The following HDAC10 variants were observed in gnomAD, a reference collection of about 807,000 sequenced individuals.
HDAC10 encodes polyamine deacetylase HDAC10.
In HDAC10, 90 loss-of-function variants were observed where a neutral mutation model predicts 82.3. The ratio of observed to expected loss-of-function variants is 1.09; its 90% CI spans 0.92 to 1.30. The LOEUF (loss-of-function observed/expected upper bound fraction) is 1.30, where lower values mean the gene tolerates loss of function less well. Among genes scored for constraint, HDAC10 ranks in the 50% most tolerant of loss-of-function variants. The pLI is 0.00. For synonymous variants in HDAC10, 456 were observed against 391.7 expected (o/e 1.16, Z -1.94); for missense variants, 934 against 876.3 (o/e 1.07, Z -0.83).
chr22:50,250,956 C>G lies in HDAC10; in HGVS notation c.59+18G>C, dbSNP rs2065076708. On this transcript the variant is annotated intron_variant, in intron 1 of 19. Transcript: ENST00000216271. The stretch of plus-strand genomic sequence containing the variant: ...AGAGGTCCCTCCCCGCACCCCACCT[C>G]GGCCAGGTCCCACTTACTCGTCCCA... 3 of 1,611,572 alleles carry G rather than the reference C, an allele frequency of 1.9e-6. No individual in the cohort carries two copies. The East Asian group carries it at 6.7e-5, about 36-fold the overall frequency.
rs2065006916 is a variant in HDAC10 at position 50,248,396 on chromosome 22, G to C, written c.983C>G (p.Pro328Arg). 1.9e-6 allele frequency: 3 copies of C among 1,609,648 alleles called. No individual in the cohort carries two copies. Among genetic ancestry groups the C allele is most frequent in the Non-Finnish European group, 2.5e-6 (3 of 1,179,924 alleles). The change falls in exon 11 of 20, where the codon CCC becomes CGC. Residue 328 changes from proline (P) to arginine (R), a missense_variant. Physicochemically the swap from Pro to Arg is moderately radical, Grantham distance 103. Transcript: ENST00000216271. This position sits in a 1 kb window ranked among gnomAD's most constrained non-coding sequence, Gnocchi z 5.4. ...VQTLLGDPAP[P>R]LSGPMAPCQS... ...ACATGGCGCCATTGGCCCTGACAGG[G>C]GTGGGGCCGGGTCACCCAGCAGCGT...
rs2064915417 is a variant in HDAC10, at chr22:50,245,425, G to A, written c.*82C>T. On this transcript the variant is annotated 3_prime_UTR_variant, in exon 20 of 20. Coordinates refer to ENST00000216271, the MANE Select transcript of HDAC10 (RefSeq NM_032019.6). ...GTGCCCCAGAGTCGAGGGAGCCGTG[G>A]GCTTGGGGTCCGGATCGCGGCCGCG... 4.2e-6 allele frequency: 3 copies of A among 719,770 alleles called. No individual in the cohort carries two copies. The highest frequency in any genetic ancestry group is 5.3e-5 in the East Asian group (2 of 37,936). The allele number at this position is 719,770 out of a possible 1,614,324, so 44.6% of individuals were successfully genotyped here. A position where few individuals can be genotyped will look rare whatever the true frequency, so the allele number is the denominator to read the frequency against.
chr22:50,246,014 C>G lies in HDAC10; in HGVS notation c.1729G>C (p.Val577Leu). Residue 577 changes from valine (V) to leucine (L), a missense_variant, in exon 18 of 20, where the codon GTG becomes CTG. Coordinates refer to ENST00000216271, the MANE Select transcript of HDAC10 (RefSeq NM_032019.6). ...AYGFQPDLVL[V>L]ALGPGHGLQG... ...AGGCCATGGCCAGGCCCCAGCGCCA[C>G]CAGCACCAGGTCAGGCTGGAAGCCA... The G allele has an allele frequency of 1.2e-6, 2 of 1,612,670 alleles. No individual in the cohort carries two copies. The highest frequency in any genetic ancestry group is 1.7e-6 in the Non-Finnish European group (2 of 1,179,842).
Position 50,249,373 on chromosome 22 carries a change from C to T in HDAC10, c.645G>A (p.Gly215=), listed in dbSNP as rs768166627. 7.4e-6 allele frequency: 12 copies of T among 1,612,550 alleles called. No individual in the cohort carries two copies. The South Asian group carries it at 1.3e-4, about 18-fold the overall frequency. ...CAGTGAAGCCGAGGCCCTGTCCCCG[C>T]CCCACTGCGTCTGCATCTGACTCTC... The part of the protein sequence containing the change: ...FLRESDADAV[G]RGQGLGFTVN... The change falls in exon 7 of 20, where the codon GGG becomes GGA. Residue 215 remains glycine (G), a synonymous_variant. Coordinates refer to ENST00000216271, the MANE Select transcript of HDAC10 (RefSeq NM_032019.6). The surrounding 1 kb of genome is among the most constrained non-coding windows in gnomAD (Gnocchi z 4.4).
chr22:50,249,763 C>A lies in HDAC10; in HGVS notation c.495-60G>T. On this transcript the variant is annotated intron_variant, in intron 5 of 19. Coordinates refer to ENST00000216271, the MANE Select transcript of HDAC10 (RefSeq NM_032019.6). The surrounding 1 kb of genome is among the most constrained non-coding windows in gnomAD (Gnocchi z 4.4). ...GGCCTCCCACCTCCAGGAGCCCGGC[C>A]AGGGATGGGAAGGTGCTGGCTGGGT... 1 of 1,608,568 alleles carries A rather than the reference C, an allele frequency of 6.2e-7. No individual in the cohort carries two copies. The highest frequency in any genetic ancestry group is 8.5e-7 in the Non-Finnish European group (1 of 1,177,250).
In HDAC10 at chr22:50,248,616, C is replaced by T. The variant is rs2065012279; in HGVS notation, c.906+46G>A. The T allele has an allele frequency of 1.4e-6, 2 of 1,476,064 alleles. No homozygotes were observed. The highest frequency in any genetic ancestry group is 1.8e-6 in the Non-Finnish European group (2 of 1,109,578). The allele number at this position is 1,476,064 out of a possible 1,614,324, so 91.4% of individuals were successfully genotyped here. On this transcript the variant is annotated intron_variant, in intron 10 of 19. Transcript: ENST00000216271. The surrounding 1 kb of genome is among the most constrained non-coding windows in gnomAD (Gnocchi z 5.4). The stretch of plus-strand genomic sequence containing the variant: ...ACCTGGCTCCCATGCTCCTGACCCC[C>T]AGGCCTCTGGCCCAGAGACCCTCCC...
Position 50,248,361 on chromosome 22 carries a change from C to A in HDAC10, c.1013+5G>T. 6.2e-7 allele frequency: 1 copy of A among 1,611,012 alleles called. No individual in the cohort carries two copies. The highest frequency in any genetic ancestry group is 8.5e-7 in the Non-Finnish European group (1 of 1,179,820). ...CGGCCCTGCCCGCCCTACCTCCCCT[C>A]GCACCTCTGACATGGCGCCATTGGC... is the stretch of plus-strand genomic sequence containing the variant. On this transcript the variant is annotated splice_donor_5th_base_variant and intron_variant, in intron 11 of 19. Coordinates refer to ENST00000216271, the MANE Select transcript of HDAC10 (RefSeq NM_032019.6). The surrounding 1 kb of genome is among the most constrained non-coding windows in gnomAD (Gnocchi z 5.4).
chr22:50,250,678 G>C, intron 2 of HDAC10, 93 bp downstream of exon 2: 15 of 1,398,150 alleles, frequency 1.1e-5, no homozygotes, highest in Non-Finnish European at 1.5e-5. Context: ...CTCTGTATTC[G>C]AGGCTGGCAG....
At chr22:50,250,357 C>T (rs958911964) in intron 3 of HDAC10, 70 bp downstream of exon 3, 3 of 1,466,092 alleles carry the variant, frequency 2.0e-6, no homozygotes, top group African/African-American at 1.4e-5. Context: ...GGGTTGGCGG[C>T]CGTGGCTGTG....
chr22:50,245,744 G>A lies in HDAC10; in HGVS notation c.1917C>T (p.Ala639=), dbSNP rs747357458. ...TCAGGGCCTGGACGTCCTCTGGGGA[G>A]GCCACAGAGGAAGGGCCTAGGCTAG... ...APPSLGPSSV[A]SPEDVQALMY... The change falls in exon 19 of 20, where the codon GCC becomes GCT. Residue 639 remains alanine (A), a synonymous_variant. Transcript: ENST00000216271. 1 of 1,612,248 alleles carries A rather than the reference G, an allele frequency of 6.2e-7. No homozygotes were observed. The highest frequency in any genetic ancestry group is 1.7e-5 in the Admixed American group (1 of 59,904).
At chr22:50,250,934 G>A (rs951139759) in intron 1 of HDAC10, 29 bp from the exon 2 acceptor site, 5 of 1,609,114 alleles carry the variant, frequency 3.1e-6, no homozygotes, top group East Asian at 2.2e-5. Context: ...TCAGTTCAGA[G>A]GTCCCTCCCC....
chr22:50,250,661 G>T, intron 2 of HDAC10, 110 bp downstream of exon 2: 1 of 1,347,956 alleles, frequency 7.4e-7, no homozygotes, highest in Non-Finnish European at 1.0e-6. Flanking sequence ...AGGTGCATAG[G>T]GAGAGGCTCT....
rs1347097280 is a variant in HDAC10, at chr22:50,249,386, G to A, written c.632C>T (p.Ala211Val). ...RFWPFLRESD[A>V]DAVGRGQGLG... ...GCCCTGTCCCCGCCCCACTGCGTCT[G>A]CATCTGACTCTCGCAGGAAAGGCCA... The change falls in exon 7 of 20, where the codon GCA becomes GTA. Residue 211 changes from alanine (A) to valine (V), a missense_variant. Transcript: ENST00000216271. This position sits in a 1 kb window ranked among gnomAD's most constrained non-coding sequence, Gnocchi z 4.4. 1 of 1,612,668 alleles carries A rather than the reference G, an allele frequency of 6.2e-7. No individual in the cohort carries two copies. The highest frequency in any genetic ancestry group is 1.1e-5 in the South Asian group (1 of 91,078).
At chr22:50,247,425 A>C (rs1466579388) in intron 14 of HDAC10, 2 of 409,346 alleles carry the variant, frequency 4.9e-6, no homozygotes, top group Non-Finnish European at 8.7e-6. Flanking sequence ...GAGCCACTGC[A>C]CCCTGCCTAA....
At position 50,246,284 on chromosome 22, in the gene HDAC10, G is replaced by A; in HGVS notation, c.1650+14C>T. 6.2e-7 allele frequency: 1 copy of A among 1,609,704 alleles called. No homozygotes were observed. The stretch of plus-strand genomic sequence containing the variant: ...TCCCCAGCACCTGCCTTGCCGCGTG[G>A]CATGGTCACTCACCACTGGCAGTGG... On this transcript the variant is annotated intron_variant, in intron 17 of 19. Transcript: ENST00000216271.
At chr22:50,247,589 C>G in intron 14 of HDAC10, 103 bp downstream of exon 14, 1 of 814,096 alleles carries the variant, frequency 1.2e-6, no homozygotes, top group Non-Finnish European at 2.0e-6. Context: ...CCATGTGGTT[C>G]TGCACCACCC....
rs1274311216 is a variant in HDAC10 at position 50,246,353 on chromosome 22, C to T, written c.1595G>A (p.Arg532Lys). 1 of 1,612,872 alleles carries T rather than the reference C, an allele frequency of 6.2e-7. No homozygotes were observed. Among genetic ancestry groups the T allele is most frequent in the Admixed American group, 1.7e-5 (1 of 60,028 alleles). The change falls in exon 17 of 20, where the codon AGG (arginine) becomes AAG (lysine). Residue 532 changes from arginine (R) to lysine (K), a missense_variant. Transcript: ENST00000216271. The stretch of plus-strand genomic sequence containing the variant: ...GGATAGGGCAGCCGCCTCCTTGCCC[C>T]TGATGTTCAGCCACAGACTCCTCCT... ...HDGRSLWLNI[R>K]GKEAAALSMF...
rs766029508 is a variant in HDAC10, at chr22:50,248,929, G to A, written c.757-39C>T. The A allele has an allele frequency of 5.1e-5, 81 of 1,596,598 alleles. No homozygotes were observed. In the Middle Eastern group the frequency reaches 6.6e-4, roughly 13 times the overall value. ...CGGAGTGGGGAGGGTCGACAGAGAG[G>A]GGCTGGAGCCCAGGTGAGGGCGAGC... On this transcript the variant is annotated intron_variant, in intron 8 of 19. Transcript: ENST00000216271. This position sits in a 1 kb window ranked among gnomAD's most constrained non-coding sequence, Gnocchi z 5.4.
In HDAC10 at chr22:50,245,391, C is replaced by T. The variant is rs1465386869; in HGVS notation, c.*116G>A. On this transcript the variant is annotated 3_prime_UTR_variant, in exon 20 of 20. Coordinates refer to ENST00000216271, the MANE Select transcript of HDAC10 (RefSeq NM_032019.6). ...GCGGGGCGCGGGGATTGGGAGTGGG[C>T]GGGGTTCCGTGCCCCAGAGTCGAGG... 1.9e-5 allele frequency: 13 copies of T among 686,366 alleles called. 1 individual carries two copies. The East Asian group carries it at 2.4e-4, about 13-fold the overall frequency. The allele number at this position is 686,366 out of a possible 1,614,324, so 42.5% of individuals were successfully genotyped here. A position where few individuals can be genotyped will look rare whatever the true frequency, so the allele number is the denominator to read the frequency against.
Sources: gnomAD v4.1 joint callset for allele counts on GRCh38, gnomAD v4.1.1 for gene constraint, Gnocchi (gnomAD v3.1) non-coding constraint, MANE v1.5 for transcripts, NCBI Gene and HGNC (gene_info 2026-07-23, HGNC 2026-07-21) for gene names.